The following KCTD16 variants were observed in gnomAD, a reference collection of about 807,000 sequenced individuals.
The protein encoded by KCTD16 is BTB/POZ domain-containing protein KCTD16.
Under a neutral mutation model 33.2 loss-of-function variants are expected in KCTD16, and 13 were observed. The observed-to-expected ratio is 0.39, with a 90% CI of 0.25 to 0.62. KCTD16 has a LOEUF of 0.62. KCTD16 is among the 20% of genes least tolerant of loss of function. KCTD16 has a pLI of 0.50. For synonymous variants in KCTD16, 197 were observed against 195.3 expected (o/e 1.01, Z -0.07); for missense variants, 441 against 525.1 (o/e 0.84, Z 1.57).
At chr5:144,196,146 A>T (rs1262105942) in intron 2 of KCTD16, among the ~76,000 whole-genome samples, 2 of 152,140 alleles carry the variant, frequency 1.3e-5, no homozygotes, top group African/African-American at 4.8e-5. Context: ...GGAGCTCAAA[A>T]CGTATTTTGC....
At chr5:144,413,150 T>G (rs1377466282) in intron 3 of KCTD16, among the ~76,000 whole-genome samples, 2 of 152,200 alleles carry the variant, frequency 1.3e-5, no homozygotes, top group Admixed American at 1.3e-4. Context: ...ATAATTACTA[T>G]ACTTTTTCAA....
At chr5:144,454,843 G>A (rs1230276971) in intron 3 of KCTD16, among the ~76,000 whole-genome samples, 3 of 152,092 alleles carry the variant, frequency 2.0e-5, no homozygotes, top group Non-Finnish European at 2.9e-5. Flanking sequence ...TCCTGAAACG[G>A]AATAGGGTGA....
At chr5:144,199,293 G>A (rs1752996655) in intron 2 of KCTD16, among the ~76,000 whole-genome samples, 1 of 152,168 alleles carries the variant, frequency 6.6e-6, no homozygotes, top group Admixed American at 6.5e-5. Flanking sequence ...TTACACTACT[G>A]CTTTACCGAA....
rs555615773 is a variant in KCTD16, at chr5:144,394,558, C to T, written c.833-79102C>T. 7.3e-4 allele frequency among the ~76,000 whole-genome samples: 111 copies of T among 152,314 alleles called. 1 individual carries two copies. The highest frequency in any genetic ancestry group is 1.4e-3 in the Non-Finnish European group (92 of 68,018). ...AAGTAATATGGTTTGGCTATATCCC[C>T]ACCCAAATCTCATCTTGAATTGTAA... On this transcript the variant is annotated intron_variant, in intron 3 of 3. Coordinates refer to ENST00000512467, the MANE Select transcript of KCTD16 (RefSeq NM_020768.4).
intron 3 of KCTD16, among the ~76,000 whole-genome samples, chr5:144,374,473 A>G (rs765192600): frequency 6.6e-6 from 1 of 152,200 alleles, no homozygotes. Flanking sequence ...ACGAGGTGAC[A>G]TAGTATCATC....
intron 3 of KCTD16, among the ~76,000 whole-genome samples, chr5:144,228,959 A>G (rs559426334): frequency 1.3e-4 from 20 of 152,360 alleles, no homozygotes; most frequent in African/African-American, 4.8e-4. Context: ...AGAGAAGACC[A>G]TATAAAATAG....
At chr5:144,466,906 T>G (rs541747071) in intron 3 of KCTD16, among the ~76,000 whole-genome samples, 1 of 146,442 alleles carries the variant, frequency 6.8e-6, no homozygotes, top group South Asian at 2.1e-4. Context: ...GTATCTATTA[T>G]TAGAATTTCA....
At position 144,475,041 on chromosome 5, in the gene KCTD16, C is replaced by T. The variant is rs187034; in HGVS notation, c.*927C>T. 0.43 allele frequency: 64,916 copies of T among 151,966 alleles called. 14,087 individuals carry two copies. Among genetic ancestry groups the T allele is most frequent in the East Asian group, 0.67 (3,451 of 5,148 alleles). 9.4% of individuals were successfully genotyped at this position (151,966 alleles called of 1,614,324 possible). A position where few individuals can be genotyped will look rare whatever the true frequency, so the allele number is the denominator to read the frequency against. ...CACACTCAGCCTTCTCTACCCTGAA[C>T]TGAATTATCACCCTTTTCTCCATGT... On this transcript the variant is annotated 3_prime_UTR_variant, in exon 4 of 4. Coordinates refer to ENST00000512467, the MANE Select transcript of KCTD16 (RefSeq NM_020768.4).
At chr5:144,316,894 C>A (rs1028020476) in intron 3 of KCTD16, among the ~76,000 whole-genome samples, 1 of 132,994 alleles carries the variant, frequency 7.5e-6, no homozygotes, top group Admixed American at 8.7e-5. Context: ...ATGGTGTGAT[C>A]TCGGCTCACT....
intron 3 of KCTD16, among the ~76,000 whole-genome samples, chr5:144,466,999 A>ATAATATATATAACAC (rs1561618924): frequency 1.3e-4 from 6 of 47,876 alleles, no homozygotes; most frequent in African/African-American, 4.8e-4. Flanking sequence ...TATATATATT[A>ATAATATATATAACAC]TATATATTAT....
At chr5:144,241,592 G>T (rs925629176) in intron 3 of KCTD16, among the ~76,000 whole-genome samples, 3 of 152,130 alleles carry the variant, frequency 2.0e-5, no homozygotes, top group Non-Finnish European at 4.4e-5. Flanking sequence ...AGACTTTATT[G>T]CTATCACTCC....
At chr5:144,336,748 A>G (rs1338576622) in intron 3 of KCTD16, among the ~76,000 whole-genome samples, 1 of 152,044 alleles carries the variant, frequency 6.6e-6, no homozygotes, top group African/African-American at 2.4e-5. Context: ...CATCCTATGA[A>G]TCTACTTCCA....
At chr5:144,240,692 A>T (rs996794951) in intron 3 of KCTD16, among the ~76,000 whole-genome samples, 1 of 152,042 alleles carries the variant, frequency 6.6e-6, no homozygotes, top group Non-Finnish European at 1.5e-5. Flanking sequence ...CATCTGTGAA[A>T]GTCCCCCAGT....
chr5:144,321,844 A>G (rs1405974542), intron 3 of KCTD16, among the ~76,000 whole-genome samples: 3 of 152,180 alleles, frequency 2.0e-5, no homozygotes, highest in Non-Finnish European at 4.4e-5. Context: ...AGAATAATAC[A>G]TGTATTGAAA....
intron 2 of KCTD16, among the ~76,000 whole-genome samples, chr5:144,190,026 C>T (rs1190009345): frequency 6.6e-6 from 1 of 152,144 alleles, no homozygotes; most frequent in Admixed American, 6.5e-5. Context: ...CCAGACCCAG[C>T]GAGAGCAATG....
intron 3 of KCTD16, among the ~76,000 whole-genome samples, chr5:144,211,937 CA>C (rs1404070689): frequency 1.3e-5 from 2 of 152,120 alleles, no homozygotes; most frequent in East Asian, 3.9e-4. Flanking sequence ...CAAAGCTCAT[CA>C]GGAAAAATTC....
intron 3 of KCTD16, among the ~76,000 whole-genome samples, chr5:144,427,553 A>T (rs530294023): frequency 1.3e-5 from 2 of 152,112 alleles, no homozygotes; most frequent in East Asian, 1.9e-4. Flanking sequence ...ATTTCTTTTT[A>T]AAAAAATTGA....
intron 3 of KCTD16, among the ~76,000 whole-genome samples, chr5:144,447,137 G>C (rs1379337546): frequency 6.6e-6 from 1 of 152,104 alleles, no homozygotes; most frequent in Non-Finnish European, 1.5e-5. Flanking sequence ...GTTCACAATA[G>C]CAAAGACTTG....
At chr5:144,230,304 A>G (rs1052270154) in intron 3 of KCTD16, among the ~76,000 whole-genome samples, 2 of 152,180 alleles carry the variant, frequency 1.3e-5, no homozygotes, top group Non-Finnish European at 2.9e-5. Context: ...TGAATGCTTT[A>G]TTGTATCTTG....
Sources: allele counts gnomAD v4.1 joint callset (sites outside exome capture counted in the v4.1 genomes callset), GRCh38; gene constraint gnomAD v4.1.1; transcripts MANE v1.5; gene names NCBI Gene and HGNC (gene_info 2026-07-23, HGNC 2026-07-21).